The following KYNU variants were observed in gnomAD, a reference collection of about 807,000 sequenced individuals.
KYNU encodes kynureninase, also known as L-kynurenine hydrolase.
KYNU carries 54 observed loss-of-function variants against 59.2 expected under a neutral mutation model. The ratio of observed to expected loss-of-function variants is 0.91; its 90% CI spans 0.73 to 1.14. The LOEUF (loss-of-function observed/expected upper bound fraction) is 1.14, where lower values mean the gene tolerates loss of function less well. Among genes scored for constraint, KYNU ranks in the 50% most tolerant of loss-of-function variants. The pLI is 0.00. For synonymous variants in KYNU, 177 were observed against 192.0 expected (o/e 0.92, Z 0.65); for missense variants, 567 against 554.4 (o/e 1.02, Z -0.23).
chr2:143,027,996 T>C (rs185330641), intron 10 of KYNU, among the ~76,000 whole-genome samples: 79 of 152,142 alleles, frequency 5.2e-4, no homozygotes, highest in African/African-American at 1.8e-3. Flanking sequence ...ACTATACTTT[T>C]CTATTCTATA....
At chr2:143,009,125 G>GT (rs1249121410) in intron 10 of KYNU, among the ~76,000 whole-genome samples, 2 of 113,048 alleles carry the variant, frequency 1.8e-5, no homozygotes, top group African/African-American at 3.9e-5. Flanking sequence ...CCAGGAGCTG[G>GT]TTTTTTGAAA....
chr2:142,904,565 A>G (rs1276272532), intron 2 of KYNU, among the ~76,000 whole-genome samples: 1 of 152,238 alleles, frequency 6.6e-6, no homozygotes, highest in Non-Finnish European at 1.5e-5. Flanking sequence ...TAACCCTTGT[A>G]AAGCATCAAT....
intron 3 of KYNU, among the ~76,000 whole-genome samples, chr2:142,922,797 T>C (rs1461064002): frequency 1.3e-5 from 2 of 152,108 alleles, no homozygotes; most frequent in African/African-American, 4.8e-5. Flanking sequence ...AGAATAGAGG[T>C]ACAACTAGAA....
intron 2 of KYNU, among the ~76,000 whole-genome samples, chr2:142,903,477 C>T (rs1682179678): frequency 1.3e-5 from 2 of 151,996 alleles, no homozygotes; most frequent in South Asian, 4.2e-4. Flanking sequence ...AGTAAAGTTC[C>T]CCAGTCACAG....
At chr2:143,018,870 T>TTTTA (rs1015866306) in intron 10 of KYNU, among the ~76,000 whole-genome samples, 3 of 152,218 alleles carry the variant, frequency 2.0e-5, no homozygotes, top group South Asian at 2.1e-4. Context: ...TTCCTAGGTA[T>TTTTA]TTTATTTATT....
intron 2 of KYNU, among the ~76,000 whole-genome samples, chr2:142,907,393 A>G (rs1312186294): frequency 6.6e-6 from 1 of 152,208 alleles, no homozygotes; most frequent in Non-Finnish European, 1.5e-5. Flanking sequence ...GTGCAGGAAC[A>G]AAGGTGAGAC....
chr2:142,953,199 A>G (rs1488203049), intron 4 of KYNU, among the ~76,000 whole-genome samples: 1 of 152,240 alleles, frequency 6.6e-6, no homozygotes, highest in Non-Finnish European at 1.5e-5. Context: ...ATTGACAACA[A>G]CAAGATTAGA....
chr2:142,985,799 GCTT>G, intron 9 of KYNU, 146 bp from the exon 10 acceptor site: 3 of 589,980 alleles, frequency 5.1e-6, no homozygotes, highest in Non-Finnish European at 9.1e-6. Context: ...GGTGACCTAA[GCTT>G]CTGTTTTATC....
At chr2:142,922,505 CA>C (rs1190834473) in intron 3 of KYNU, among the ~76,000 whole-genome samples, 14 of 151,626 alleles carry the variant, frequency 9.2e-5, no homozygotes, top group South Asian at 4.2e-4. Context: ...GACCCAGTCT[CA>C]AAAAAAATTA....
rs372110545 is a variant in KYNU at position 143,047,002 on chromosome 2, C to T, written c.*4830C>T. 5 of 152,142 alleles carry T rather than the reference C, an allele frequency of 3.3e-5. No homozygotes were observed. The highest frequency in any genetic ancestry group is 6.6e-5 in the Admixed American group (1 of 15,256). The allele number at this position is 152,142 out of a possible 1,614,324, so 9.4% of individuals were successfully genotyped here. On this transcript the variant is annotated 3_prime_UTR_variant, in exon 14 of 14. Coordinates refer to ENST00000264170, the MANE Select transcript of KYNU (RefSeq NM_003937.3). ...TTTTTTATTTTCTCTATTATGGAAA[C>T]GCACATTTATAGTTTGACAAATTCC...
In KYNU at chr2:143,050,310, A is replaced by C; in HGVS notation, c.*8138A>C. On this transcript the variant is annotated 3_prime_UTR_variant, in exon 14 of 14. Transcript: ENST00000264170. ...TCTAAGTTCCCTCCCCTCACCTCCCACCCCCCAGCAGGCCCTGGTGTGTGT... is the reference window on the plus strand; with the variant it reads ...TCTAAGTTCCCTCCCCTCACCTCCCCCCCCCCAGCAGGCCCTGGTGTGTGT... 1 of 148,472 alleles carries C rather than the reference A, an allele frequency of 6.7e-6. No homozygotes were observed. The allele number at this position is 148,472 out of a possible 1,614,324, so 9.2% of individuals were successfully genotyped here.
intron 2 of KYNU, among the ~76,000 whole-genome samples, chr2:142,900,616 C>T (rs910306763): frequency 1.4e-4 from 21 of 152,128 alleles, no homozygotes; most frequent in African/African-American, 4.1e-4. Flanking sequence ...AAGATGGATG[C>T]GGTCACCTTC....
intron 10 of KYNU, among the ~76,000 whole-genome samples, chr2:142,994,046 T>A (rs1311450530): frequency 6.6e-6 from 1 of 152,030 alleles, no homozygotes; most frequent in Non-Finnish European, 1.5e-5. Flanking sequence ...TTACTTCAAG[T>A]TTTAGCCCTA....
chr2:142,957,641 T>C lies in KYNU; in HGVS notation c.508T>C (p.Tyr170His), dbSNP rs1684212267. Reference protein sequence around the residue: ...LEAKAFPSDHYAIESQLQLHG... With the variant: ...LEAKAFPSDHHAIESQLQLHG... ...TAAATACATCATCTTTCCTTTTTAG[T>C]ATGCTATTGAGTCACAACTACAACT... The change falls in exon 7 of 14, where the codon TAT (tyrosine) becomes CAT (histidine). Residue 170 changes from tyrosine to histidine, a missense_variant and splice_region_variant. Tyr to His is a moderately conservative substitution (Grantham distance 83). Transcript: ENST00000264170. 1.3e-6 allele frequency: 2 copies of C among 1,578,156 alleles called. No homozygotes were observed. The highest frequency in any genetic ancestry group is 2.2e-5 in the South Asian group (2 of 90,350).
intron 10 of KYNU, among the ~76,000 whole-genome samples, chr2:143,026,361 T>C (rs562227095): frequency 6.6e-6 from 1 of 152,368 alleles, no homozygotes; most frequent in East Asian, 1.9e-4. Flanking sequence ...GTGTTAATTG[T>C]CCTAATGAAG....
At chr2:142,902,962 G>A (rs909492115) in intron 2 of KYNU, among the ~76,000 whole-genome samples, 1 of 152,150 alleles carries the variant, frequency 6.6e-6, no homozygotes, top group Non-Finnish European at 1.5e-5. Context: ...CATCCTTAAG[G>A]TCCAGGACTG....
intron 6 of KYNU, among the ~76,000 whole-genome samples, chr2:142,957,176 C>T (rs189037382): frequency 6.6e-6 from 1 of 152,184 alleles, no homozygotes; most frequent in African/African-American, 2.4e-5. Flanking sequence ...CTAATATCTA[C>T]AAAAGATTCC....
At chr2:143,041,155 AT>A (rs1044629103) in intron 13 of KYNU, among the ~76,000 whole-genome samples, 18 of 151,704 alleles carry the variant, frequency 1.2e-4, no homozygotes, top group East Asian at 3.9e-4. Flanking sequence ...GCAAGGAATA[AT>A]TTTTTTTTAA....
At chr2:142,959,842 T>A (rs547339982) in intron 7 of KYNU, among the ~76,000 whole-genome samples, 1 of 152,312 alleles carries the variant, frequency 6.6e-6, no homozygotes, top group Admixed American at 6.5e-5. Flanking sequence ...GGAGGAGATT[T>A]TAATCTTAAT....
Sources: allele counts gnomAD v4.1 joint callset (sites outside exome capture counted in the v4.1 genomes callset), GRCh38; gene constraint gnomAD v4.1.1; transcripts MANE v1.5; gene names NCBI Gene and HGNC (gene_info 2026-07-23, HGNC 2026-07-21).